FNIP1: variants seen among roughly 807,000 people sequenced by gnomAD.
FNIP1 encodes the protein folliculin interacting protein 1, also known as folliculin-interacting protein 1.
A neutral mutation model predicts 124.5 loss-of-function variants in FNIP1; 40 were observed. The observed-to-expected ratio is 0.32, with a 90% CI of 0.25 to 0.42. The LOEUF (loss-of-function observed/expected upper bound fraction) is 0.42, where lower values mean the gene tolerates loss of function less well. Ranked by LOEUF, FNIP1 falls within the 10% of genes least tolerant of loss-of-function variation. FNIP1 has a pLI of 1.00. For missense variants in FNIP1, 1,176 were observed against 1,403.7 expected (o/e 0.84, Z 2.59); for synonymous variants, 472 against 470.6 (o/e 1.00, Z -0.04).
At chr5:131,755,138 TGGCCG>T (rs1771003579) in intron 1 of FNIP1, among the ~76,000 whole-genome samples, 1 of 151,996 alleles carries the variant, frequency 6.6e-6, no homozygotes, top group Admixed American at 6.6e-5. Flanking sequence ...AATGGTCTGG[TGGCCG>T]GGCACAGTGG....
At chr5:131,740,242 T>C (rs565862984) in intron 2 of FNIP1, among the ~76,000 whole-genome samples, 80 of 152,356 alleles carry the variant, frequency 5.3e-4, no homozygotes, top group African/African-American at 1.9e-3. Context: ...CTTTTATGTG[T>C]TCAAACTGGA....
At chr5:131,709,738 C>T (rs1561667336) in intron 7 of FNIP1, among the ~76,000 whole-genome samples, 1 of 151,866 alleles carries the variant, frequency 6.6e-6, no homozygotes, top group African/African-American at 2.4e-5. Flanking sequence ...CTTTAAAAAA[C>T]AAAAAAGCAG....
intron 15 of FNIP1, among the ~76,000 whole-genome samples, chr5:131,659,690 T>C (rs1161248229): frequency 6.6e-6 from 1 of 152,118 alleles, no homozygotes; most frequent in Non-Finnish European, 1.5e-5. Context: ...GCCATAGGTG[T>C]ACAGGGACAA....
intron 3 of FNIP1, among the ~76,000 whole-genome samples, chr5:131,727,665 T>C (rs1450909575): frequency 6.6e-6 from 1 of 152,232 alleles, no homozygotes; most frequent in African/African-American, 2.4e-5. Flanking sequence ...CAGGGGCATT[T>C]AGCCCATTTA....
At chr5:131,685,501 T>C (rs1321058976) in intron 11 of FNIP1, among the ~76,000 whole-genome samples, 1 of 139,856 alleles carries the variant, frequency 7.2e-6, no homozygotes, top group Non-Finnish European at 1.5e-5. Flanking sequence ...CAGGCTGGAG[T>C]GTAGTGGCAC....
At chr5:131,759,845 C>T (rs1771167340) in intron 1 of FNIP1, among the ~76,000 whole-genome samples, 1 of 152,146 alleles carries the variant, frequency 6.6e-6, no homozygotes, top group African/African-American at 2.4e-5. Context: ...CCTAGGGGCC[C>T]ATCAATGGTG....
At chr5:131,699,632 T>A (rs1768824284) in intron 10 of FNIP1, among the ~76,000 whole-genome samples, 1 of 151,932 alleles carries the variant, frequency 6.6e-6, no homozygotes, top group Non-Finnish European at 1.5e-5. Flanking sequence ...GACCTCGTGA[T>A]CCACCCACCT....
intron 1 of FNIP1, among the ~76,000 whole-genome samples, chr5:131,795,447 T>C (rs909033136): frequency 6.6e-6 from 1 of 152,212 alleles, no homozygotes; most frequent in Non-Finnish European, 1.5e-5. Flanking sequence ...TGTCCAGAAA[T>C]AGAAAGCAGT....
intron 15 of FNIP1, among the ~76,000 whole-genome samples, chr5:131,654,550 T>C (rs1442396725): frequency 2.0e-5 from 3 of 152,122 alleles, no homozygotes; most frequent in African/African-American, 7.2e-5. Context: ...ACAGAACTCA[T>C]AGACTTGTGA....
intron 1 of FNIP1, among the ~76,000 whole-genome samples, chr5:131,777,660 GGT>G (rs1239984436): frequency 6.6e-6 from 1 of 152,012 alleles, no homozygotes; most frequent in Non-Finnish European, 1.5e-5. Flanking sequence ...TTTGAAAACT[GGT>G]AAATAAAACA....
intron 13 of FNIP1, among the ~76,000 whole-genome samples, chr5:131,674,864 C>A (rs1211155751): frequency 6.6e-6 from 1 of 152,134 alleles, no homozygotes; most frequent in Non-Finnish European, 1.5e-5. Context: ...ATAAATAGGT[C>A]TCAAATAAAT....
At chr5:131,774,937 C>G (rs925141224) in intron 1 of FNIP1, among the ~76,000 whole-genome samples, 11 of 152,162 alleles carry the variant, frequency 7.2e-5, no homozygotes, top group African/African-American at 2.7e-4. Flanking sequence ...TAATTTATAA[C>G]TTATTAGTAA....
chr5:131,673,925 A>G (rs1264840417), intron 13 of FNIP1, among the ~76,000 whole-genome samples: 1 of 152,096 alleles, frequency 6.6e-6, no homozygotes, highest in Non-Finnish European at 1.5e-5. Flanking sequence ...AGTCCCAGCT[A>G]CTTGGGAGGC....
intron 15 of FNIP1, among the ~76,000 whole-genome samples, chr5:131,665,790 T>C (rs1580737662): frequency 6.6e-6 from 1 of 151,794 alleles, no homozygotes; most frequent in African/African-American, 2.4e-5. Flanking sequence ...GGGGTTTCAC[T>C]ATGTTGGCCA....
intron 11 of FNIP1, among the ~76,000 whole-genome samples, chr5:131,697,044 T>C (rs1158779620): frequency 3.9e-5 from 6 of 152,154 alleles, no homozygotes; most frequent in Non-Finnish European, 1.5e-5. Flanking sequence ...ATTTTATATA[T>C]ATGTATGGCA....
At chr5:131,673,711 A>C (rs1767832959) in intron 13 of FNIP1, among the ~76,000 whole-genome samples, 1 of 152,190 alleles carries the variant, frequency 6.6e-6, no homozygotes, top group African/African-American at 2.4e-5. Context: ...TATAGTCGTC[A>C]CACCACACAC....
intron 2 of FNIP1, among the ~76,000 whole-genome samples, chr5:131,736,575 C>T (rs900180016): frequency 2.6e-5 from 4 of 152,214 alleles, no homozygotes; most frequent in Non-Finnish European, 5.9e-5. Flanking sequence ...TGAGCATTAC[C>T]GCCTGCACTC....
chr5:131,753,394 C>T (rs1429469406), intron 1 of FNIP1, among the ~76,000 whole-genome samples: 3 of 152,168 alleles, frequency 2.0e-5, no homozygotes, highest in African/African-American at 7.2e-5. Flanking sequence ...ACGATATATT[C>T]CTACATTGAA....
At chr5:131,695,403 A>C (rs867207218) in intron 11 of FNIP1, among the ~76,000 whole-genome samples, 89 of 152,180 alleles carry the variant, frequency 5.8e-4, no homozygotes, top group African/African-American at 2.1e-3. Context: ...CTTAGAATTT[A>C]CCATTTAGTT....
Sources: gnomAD v4.1 joint callset for allele counts (sites outside exome capture counted in the v4.1 genomes callset) on GRCh38, gnomAD v4.1.1 for gene constraint, MANE v1.5 for transcripts, NCBI Gene and HGNC (gene_info 2026-07-23, HGNC 2026-07-21) for gene names.